ARMCX6: variants seen among roughly 807,000 people sequenced by gnomAD.
The protein encoded by ARMCX6 is protein ARMCX6.
For missense variants in ARMCX6, 194 were observed against 186.0 expected (o/e 1.04, Z -0.25); for synonymous variants, 85 against 70.3 (o/e 1.21, Z -1.05).
rs1276919800 is a variant in ARMCX6, at chrX:101,617,898, G to A, written c.-242C>T. 1 of 111,633 alleles carries A rather than the reference G, an allele frequency of 9.0e-6. No individual in the cohort carries two copies. Among genetic ancestry groups the A allele is most frequent in the Admixed American group, 9.4e-5 (1 of 10,647 alleles). 9.2% of individuals were successfully genotyped at this position (111,633 alleles called of 1,213,427 possible). A position where few individuals can be genotyped will look rare whatever the true frequency, so the allele number is the denominator to read the frequency against. ...CCTCGCACCGACCTGCACGGTCCGA[G>A]CTAGTTTCCTTCTTTCTTCACACGC... On this transcript the variant is annotated 5_prime_UTR_variant, in exon 1 of 3. Transcript: ENST00000361910.
chrX:101,616,960 G>T, intron 2 of ARMCX6, 194 bp from the exon 3 acceptor site: 1 of 233,514 alleles, frequency 4.3e-6, no homozygotes, highest in Non-Finnish European at 7.7e-6. Context: ...GGCAGGAGAT[G>T]GGTCTCTGCT....
intron 2 of ARMCX6, 123 bp downstream of exon 2, chrX:101,617,380 G>C (rs1455111251): frequency 9.0e-6 from 1 of 111,306 alleles, no homozygotes; most frequent in Non-Finnish European, 1.9e-5. Flanking sequence ...ACTGAAATGG[G>C]AGTGGGTGTG....
rs1569366563 is a variant in ARMCX6, at chrX:101,616,045, G to A, written c.576C>T (p.Gly192=). 4 of 1,020,258 alleles carry A rather than the reference G, an allele frequency of 3.9e-6. No individual in the cohort carries two copies. Among genetic ancestry groups the A allele is most frequent in the Non-Finnish European group, 3.9e-6 (3 of 761,923 alleles). 84.1% of individuals were successfully genotyped at this position (1,020,258 alleles called of 1,213,427 possible). The change falls in exon 3 of 3, where the codon GGC becomes GGT. Residue 192 remains glycine, a synonymous_variant. Coordinates refer to ENST00000361910, the MANE Select transcript of ARMCX6 (RefSeq NM_019007.4). ...DNLNASIESQ[G]QIKMYINEVC... ...CTTCATTGATGTACATCTTAATCTG[G>A]CCCTGACTTTCAATACTCGCATTTA... is the stretch of plus-strand genomic sequence containing the variant.
At position 101,616,721 on chromosome X, in the gene ARMCX6, C is replaced by T; in HGVS notation, c.-101G>A. ...CAGGGTGAGTAAGGATGGAGGGTAGCAGTCTTCAGCTTCTTCCAGGCTCTT... is the reference window on the plus strand; with the variant it reads ...CAGGGTGAGTAAGGATGGAGGGTAGTAGTCTTCAGCTTCTTCCAGGCTCTT... On this transcript the variant is annotated 5_prime_UTR_variant, in exon 3 of 3. Coordinates refer to ENST00000361910, the MANE Select transcript of ARMCX6 (RefSeq NM_019007.4). 9.0e-7 allele frequency: 1 copy of T among 1,111,434 alleles called. No homozygotes were observed. Among genetic ancestry groups the T allele is most frequent in the Non-Finnish European group, 1.2e-6 (1 of 846,797 alleles). 91.6% of individuals were successfully genotyped at this position (1,111,434 alleles called of 1,213,427 possible). A position where few individuals can be genotyped will look rare whatever the true frequency, so the allele number is the denominator to read the frequency against.
chrX:101,616,771 G>A lies in ARMCX6; in HGVS notation c.-146-5C>T, dbSNP rs1346333838. ...TGTAGCTCTCTTGTGATGAATCTGT[G>A]GGTGAAACAGAGTATTAGGGCTCGG... On this transcript the variant is annotated splice_polypyrimidine_tract_variant and splice_region_variant and intron_variant, in intron 2 of 2. Transcript: ENST00000361910. The A allele has an allele frequency of 6.9e-6, 7 of 1,014,434 alleles. No homozygotes were observed. The East Asian group carries it at 2.4e-4, about 34-fold the overall frequency. 83.6% of individuals were successfully genotyped at this position (1,014,434 alleles called of 1,213,427 possible).
At position 101,617,938 on chromosome X, in the gene ARMCX6, G is replaced by A. The variant is rs912468030; in HGVS notation, c.-282C>T. The A allele has an allele frequency of 9.0e-6, 1 of 111,412 alleles. No individual in the cohort carries two copies. The highest frequency in any genetic ancestry group is 9.4e-5 in the Admixed American group (1 of 10,607). 9.2% of individuals were successfully genotyped at this position (111,412 alleles called of 1,213,427 possible). ...TCTTCACACGCCTGCAGAGTAATAG[G>A]GGGCTGGTACCCAGACGGAGGCGAC... On this transcript the variant is annotated 5_prime_UTR_variant, in exon 1 of 3. Coordinates refer to ENST00000361910, the MANE Select transcript of ARMCX6 (RefSeq NM_019007.4).
intron 1 of ARMCX6, 97 bp downstream of exon 1, chrX:101,617,788 G>A (rs1935849818): frequency 9.0e-6 from 1 of 111,167 alleles, no homozygotes; most frequent in African/African-American, 3.3e-5. Flanking sequence ...AGGCGAGAAA[G>A]GGACCCAGCT....
At chrX:101,616,904 A>G (rs782542288) in intron 2 of ARMCX6, 138 bp from the exon 3 acceptor site, 4 of 327,117 alleles carry the variant, frequency 1.2e-5, no homozygotes, top group Non-Finnish European at 2.0e-5. Context: ...GTCTTCCTCT[A>G]TCGACCTCAG....
Position 101,615,854 on chromosome X carries a change from A to C in ARMCX6, c.767T>G (p.Leu256Trp), listed in dbSNP as rs1556035527. The C allele has an allele frequency of 3.0e-6, 1 of 328,704 alleles. No individual in the cohort carries two copies. The highest frequency in any genetic ancestry group is 9.7e-5 in the African/African-American group (1 of 10,323). 27.1% of individuals were successfully genotyped at this position (328,704 alleles called of 1,213,427 possible). A position where few individuals can be genotyped will look rare whatever the true frequency, so the allele number is the denominator to read the frequency against. Residue 256 changes from leucine to tryptophan, a missense_variant, in exon 3 of 3, where the codon TTG (leucine) becomes TGG (tryptophan). By Grantham distance (61) the Leu-to-Trp change is moderately conservative. Transcript: ENST00000361910. Reference sequence around the variant, plus strand: ...TTCAGACAAACCCATCAGCGGTTTCAAAACCTGAACCTTAGCACATCCACT... The same window carrying C: ...TTCAGACAAACCCATCAGCGGTTTCCAAACCTGAACCTTAGCACATCCACT... The part of the protein sequence containing the change: ...EGSGCAKVQV[L>W]KPLMGLSEKP...
chrX:101,616,824 A>G, intron 2 of ARMCX6, 58 bp from the exon 3 acceptor site: 1 of 656,722 alleles, frequency 1.5e-6, no homozygotes, highest in Non-Finnish European at 2.1e-6. Context: ...TGCCTCACAG[A>G]CAGGGTGGAT....
chrX:101,615,914 G>A lies in ARMCX6; in HGVS notation c.707C>T (p.Ala236Val), dbSNP rs201496081. ...TATCAAAGGAAACTTCAAGTCTGAA[G>A]CGGACTTGGCAAGCATGTTATTAAT... is the stretch of plus-strand genomic sequence containing the variant. ...TVINNMLAKS[A>V]SDLKFPLISE... The change falls in exon 3 of 3, where the codon GCT becomes GTT. Residue 236 changes from alanine to valine, a missense_variant. Physicochemically the swap from Ala to Val is moderately conservative, Grantham distance 64 (BLOSUM62 0). Transcript: ENST00000361910. 206 of 389,248 alleles carry A rather than the reference G, an allele frequency of 5.3e-4. No homozygotes were observed. Among genetic ancestry groups the A allele is most frequent in the African/African-American group, 3.7e-3 (53 of 14,366 alleles). 32.1% of individuals were successfully genotyped at this position (389,248 alleles called of 1,213,427 possible). A position where few individuals can be genotyped will look rare whatever the true frequency, so the allele number is the denominator to read the frequency against.
Position 101,616,688 on chromosome X carries a change from C to T in ARMCX6, c.-68G>A. 8.6e-7 allele frequency: 1 copy of T among 1,156,420 alleles called. No individual in the cohort carries two copies. Among genetic ancestry groups the T allele is most frequent in the Non-Finnish European group, 1.2e-6 (1 of 867,348 alleles). On this transcript the variant is annotated 5_prime_UTR_variant, in exon 3 of 3. Coordinates refer to ENST00000361910, the MANE Select transcript of ARMCX6 (RefSeq NM_019007.4). ...TTGCTCCACCTGATTGAAGAGGTCT[C>T]TCAGGTCCAGGGTGAGTAAGGATGG...
Position 101,617,967 on chromosome X carries a change from C to T in ARMCX6, c.-311G>A, listed in dbSNP as rs1408138243. 3.6e-5 allele frequency: 4 copies of T among 111,701 alleles called. No homozygotes were observed. The highest frequency in any genetic ancestry group is 9.8e-5 in the African/African-American group (3 of 30,694). The allele number at this position is 111,701 out of a possible 1,213,427, so 9.2% of individuals were successfully genotyped here. A position where few individuals can be genotyped will look rare whatever the true frequency, so the allele number is the denominator to read the frequency against. ...CTGGTACCCAGACGGAGGCGACTAG[C>T]AGGACTTGTGCTCTAGGCGGCTCTT... On this transcript the variant is annotated 5_prime_UTR_variant, in exon 1 of 3. Transcript: ENST00000361910.
chrX:101,615,750 T>C lies in ARMCX6; in HGVS notation c.871A>G (p.Arg291Gly), dbSNP rs1556035490. The C allele has an allele frequency of 5.1e-6, 1 of 195,682 alleles. No individual in the cohort carries two copies. The highest frequency in any genetic ancestry group is 8.3e-6 in the Non-Finnish European group (1 of 120,754). 16.1% of individuals were successfully genotyped at this position (195,682 alleles called of 1,213,427 possible). A position where few individuals can be genotyped will look rare whatever the true frequency, so the allele number is the denominator to read the frequency against. The change falls in exon 3 of 3, where the codon AGA becomes GGA. Residue 291 changes from arginine to glycine, a missense_variant. Arg to Gly is a moderately radical substitution (Grantham distance 125). Transcript: ENST00000361910. ...GCAGGGGTTTCCAGGAGAATCTCTC[T>C]GTTTCCATTTCTGATAAAGAGGGAC... ...FMSLFIRNGN[R>G]EILLETPAP
chrX:101,617,449 C>T (rs1208211140), intron 2 of ARMCX6, 54 bp downstream of exon 2: 1 of 110,096 alleles, frequency 9.1e-6, no homozygotes, highest in South Asian at 3.9e-4. Flanking sequence ...TCCCAGCCCC[C>T]CTCCTCCGCC....
At position 101,616,713 on chromosome X, in the gene ARMCX6, G is replaced by A; in HGVS notation, c.-93C>T. 8.9e-7 allele frequency: 1 copy of A among 1,121,067 alleles called. No homozygotes were observed. Among genetic ancestry groups the A allele is most frequent in the Non-Finnish European group, 1.2e-6 (1 of 852,024 alleles). The allele number at this position is 1,121,067 out of a possible 1,213,427, so 92.4% of individuals were successfully genotyped here. ...CTCAGGTCCAGGGTGAGTAAGGATG[G>A]AGGGTAGCAGTCTTCAGCTTCTTCC... is the stretch of plus-strand genomic sequence containing the variant. On this transcript the variant is annotated 5_prime_UTR_variant, in exon 3 of 3. Coordinates refer to ENST00000361910, the MANE Select transcript of ARMCX6 (RefSeq NM_019007.4).
In ARMCX6 at chrX:101,616,714, A is replaced by G; in HGVS notation, c.-94T>C. On this transcript the variant is annotated 5_prime_UTR_variant, in exon 3 of 3. Coordinates refer to ENST00000361910, the MANE Select transcript of ARMCX6 (RefSeq NM_019007.4). ...TCAGGTCCAGGGTGAGTAAGGATGG[A>G]GGGTAGCAGTCTTCAGCTTCTTCCA... 7 of 1,121,176 alleles carry G rather than the reference A, an allele frequency of 6.2e-6. No homozygotes were observed. Among genetic ancestry groups the G allele is most frequent in the Non-Finnish European group, 8.2e-6 (7 of 852,120 alleles). 92.4% of individuals were successfully genotyped at this position (1,121,176 alleles called of 1,213,427 possible).
chrX:101,617,494 C>T lies in ARMCX6; in HGVS notation c.-147+9G>A, dbSNP rs1385411540. 1 of 109,390 alleles carries T rather than the reference C, an allele frequency of 9.1e-6. No homozygotes were observed. The highest frequency in any genetic ancestry group is 1.9e-5 in the Non-Finnish European group (1 of 52,491). The allele number at this position is 109,390 out of a possible 1,213,427, so 9.0% of individuals were successfully genotyped here. On this transcript the variant is annotated intron_variant, in intron 2 of 2. Transcript: ENST00000361910. ...CATGGTCCTGGGCTAATCCCACCTTCACACTGACCTGCAAGGTTCCAACCA... is the reference window on the plus strand; with the variant it reads ...CATGGTCCTGGGCTAATCCCACCTTTACACTGACCTGCAAGGTTCCAACCA...
At chrX:101,617,143 TAG>T (rs1217474274) in intron 2 of ARMCX6, 1 of 114,196 alleles carries the variant, frequency 8.8e-6, no homozygotes, top group Non-Finnish European at 1.8e-5. Context: ...TGATAGAGGA[TAG>T]AGTCTGGCAG....
Sources: allele counts gnomAD v4.1 joint callset, GRCh38; gene constraint gnomAD v4.1.1; transcripts MANE v1.5; gene names NCBI Gene and HGNC (gene_info 2026-07-23, HGNC 2026-07-21).